The following SGCZ variants were observed in gnomAD, a reference collection of about 807,000 sequenced individuals.
SGCZ encodes the protein sarcoglycan zeta, also known as zeta-sarcoglycan.
Under a neutral mutation model 41.3 loss-of-function variants are expected in SGCZ, and 40 were observed. That is an observed-to-expected ratio of 0.97 (90% CI 0.75 to 1.26). The LOEUF (loss-of-function observed/expected upper bound fraction) is 1.26. Ranked by LOEUF, SGCZ falls within the 50% of genes most tolerant of loss-of-function variation. The pLI is 0.00. For synonymous variants in SGCZ, 206 were observed against 137.5 expected, an observed-to-expected ratio of 1.50 and a Z score of -3.49; for missense variants, 552 against 369.8, an observed-to-expected ratio of 1.49 and a Z score of -4.04.
chr8:15,184,070 T>C (rs1420577510), intron 1 of SGCZ, among the ~76,000 whole-genome samples: 1 of 152,168 alleles, frequency 6.6e-6, no homozygotes, highest in Admixed American at 6.6e-5. Context: ...TTTTTATTTA[T>C]TTTCCGTTTC....
chr8:14,581,802 A>T (rs562489632), intron 1 of SGCZ, among the ~76,000 whole-genome samples: 219 of 152,280 alleles, frequency 1.4e-3, no homozygotes, highest in African/African-American at 5.0e-3. Flanking sequence ...CAAAAAGAAA[A>T]CTGAAGTATA....
intron 1 of SGCZ, among the ~76,000 whole-genome samples, chr8:14,742,871 T>C (rs1213434409): frequency 5.3e-5 from 8 of 152,086 alleles, no homozygotes; most frequent in Non-Finnish European, 1.2e-4. Flanking sequence ...CTAAACCTGC[T>C]TAGTAATAGG....
intron 1 of SGCZ, among the ~76,000 whole-genome samples, chr8:15,166,645 G>A (rs7832844): frequency 0.36 from 55,350 of 152,096 alleles, 12,270 homozygotes; most frequent in Non-Finnish European, 0.47. Flanking sequence ...CTGAGTATAT[G>A]CTATCAATCA....
intron 5 of SGCZ, among the ~76,000 whole-genome samples, chr8:14,159,852 G>A (rs777688119): frequency 3.3e-5 from 5 of 152,144 alleles, no homozygotes; most frequent in Non-Finnish European, 7.4e-5. Context: ...GGATGTAGAA[G>A]ATGAACTAAT....
chr8:14,698,673 T>C (rs1396112220), intron 1 of SGCZ, among the ~76,000 whole-genome samples: 1 of 151,966 alleles, frequency 6.6e-6, no homozygotes, highest in Non-Finnish European at 1.5e-5. Flanking sequence ...TCTCTAAATA[T>C]AGCCAGATAA....
intron 1 of SGCZ, among the ~76,000 whole-genome samples, chr8:14,649,095 G>A (rs941334665): frequency 7.2e-5 from 11 of 152,174 alleles, no homozygotes; most frequent in African/African-American, 1.9e-4. Flanking sequence ...TTTCAAAAGC[G>A]TCTTCTCTAA....
chr8:14,285,945 C>A (rs1477350847), intron 3 of SGCZ, among the ~76,000 whole-genome samples: 3 of 152,038 alleles, frequency 2.0e-5, no homozygotes, highest in Non-Finnish European at 4.4e-5. Context: ...GTAGGAAACA[C>A]ATATGTTTTT....
chr8:14,436,565 G>C (rs1039743365), intron 2 of SGCZ, among the ~76,000 whole-genome samples: 2 of 152,136 alleles, frequency 1.3e-5, no homozygotes, highest in Non-Finnish European at 2.9e-5. Flanking sequence ...TGCACGGATG[G>C]TGCAAAAGCA....
intron 1 of SGCZ, among the ~76,000 whole-genome samples, chr8:14,813,731 C>A (rs1223889103): frequency 6.6e-6 from 1 of 152,122 alleles, no homozygotes; most frequent in Non-Finnish European, 1.5e-5. Flanking sequence ...GTGGGCAGAT[C>A]ACCTGAGTTC....
intron 2 of SGCZ, among the ~76,000 whole-genome samples, chr8:14,328,266 G>C (rs965117657): frequency 7.2e-5 from 11 of 152,020 alleles, no homozygotes; most frequent in Non-Finnish European, 1.5e-5. Flanking sequence ...TATTTTTAGT[G>C]TCTGATGATT....
intron 4 of SGCZ, chr8:14,164,913 G>T (rs7011198): frequency 0.33 from 174,534 of 530,728 alleles, 29,755 homozygotes; most frequent in Middle Eastern, 0.45. Context: ...AGGCATACAG[G>T]TGACCTCTGG....
At chr8:14,215,033 T>C (rs559389774) in intron 4 of SGCZ, among the ~76,000 whole-genome samples, 6 of 152,248 alleles carry the variant, frequency 3.9e-5, no homozygotes, top group Admixed American at 6.5e-5. Context: ...TTCGCACATA[T>C]AGAGCACTTC....
chr8:14,540,271 G>T (rs1458455689), intron 2 of SGCZ, among the ~76,000 whole-genome samples: 13 of 56,460 alleles, frequency 2.3e-4, no homozygotes, highest in Admixed American at 3.8e-4. Flanking sequence ...CTTTTTGTTA[G>T]GTTTATAAAT....
intron 5 of SGCZ, among the ~76,000 whole-genome samples, chr8:14,158,313 T>C (rs953131012): frequency 6.6e-6 from 1 of 152,202 alleles, no homozygotes; most frequent in Non-Finnish European, 1.5e-5. Flanking sequence ...AGATGTAATT[T>C]AGGCTCCTAA....
At chr8:15,195,262 T>A (rs1162856347) in intron 1 of SGCZ, among the ~76,000 whole-genome samples, 1 of 152,172 alleles carries the variant, frequency 6.6e-6, no homozygotes, top group Non-Finnish European at 1.5e-5. Context: ...GGGAGACGTG[T>A]GTCCTCCTGT....
chr8:14,422,357 T>C (rs1426368737), intron 2 of SGCZ, among the ~76,000 whole-genome samples: 2 of 152,234 alleles, frequency 1.3e-5, no homozygotes, highest in Non-Finnish European at 2.9e-5. Context: ...TTTACTAGTA[T>C]GTATATTTAC....
intron 1 of SGCZ, among the ~76,000 whole-genome samples, chr8:15,085,542 A>G (rs935274998): frequency 6.6e-6 from 1 of 152,208 alleles, no homozygotes; most frequent in African/African-American, 2.4e-5. Context: ...TGACATGTCA[A>G]TATCAGCTCA....
At chr8:14,404,627 G>A (rs1258353958) in intron 2 of SGCZ, among the ~76,000 whole-genome samples, 1 of 152,042 alleles carries the variant, frequency 6.6e-6, no homozygotes, top group South Asian at 2.1e-4. Context: ...AATTAATAAG[G>A]GCATTTGACT....
chr8:14,326,224 G>C, intron 2 of SGCZ, among the ~76,000 whole-genome samples: 1 of 151,662 alleles, frequency 6.6e-6, no homozygotes, highest in Non-Finnish European at 1.5e-5. Context: ...TAAATTCTTG[G>C]ATGATGTCAA....
Sources: allele counts gnomAD v4.1 joint callset (sites outside exome capture counted in the v4.1 genomes callset), GRCh38; gene constraint gnomAD v4.1.1; transcripts MANE v1.5; gene names NCBI Gene and HGNC (gene_info 2026-07-23, HGNC 2026-07-21).